Variants in TSPAN18 observed in about 807,000 individuals in gnomAD.
TSPAN18 encodes tetraspanin 18, also known as tetraspanin-18.
Under a neutral mutation model 27.3 loss-of-function variants are expected in TSPAN18, and 14 were observed. The observed-to-expected ratio is 0.51, with a 90% confidence interval of 0.34 to 0.80. The LOEUF is 0.80. TSPAN18 is among the 30% of genes least tolerant of loss of function. The pLI is 0.01. For synonymous variants in TSPAN18, 143 were observed against 136.5 expected (o/e 1.05, Z -0.33); for missense variants, 268 against 323.9 (o/e 0.83, Z 1.32).
At chr11:44,872,686 C>T (rs1393136022) in intron 3 of TSPAN18, among the ~76,000 whole-genome samples, 3 of 152,206 alleles carry the variant, frequency 2.0e-5, no homozygotes, top group Non-Finnish European at 4.4e-5. Flanking sequence ...AGCTTCACAG[C>T]AGCCTTATGA....
chr11:44,738,590 C>T (rs753476827), intron 1 of TSPAN18, among the ~76,000 whole-genome samples: 5 of 152,160 alleles, frequency 3.3e-5, no homozygotes, highest in Admixed American at 6.5e-5. Flanking sequence ...TTTCTTCTGA[C>T]GTCTCTCTCC....
At chr11:44,921,912 G>T (rs1565014263) in intron 8 of TSPAN18, among the ~76,000 whole-genome samples, 1 of 152,128 alleles carries the variant, frequency 6.6e-6, no homozygotes, top group Admixed American at 6.5e-5. Context: ...CAAAATCAGA[G>T]CTCATCAGAG....
intron 5 of TSPAN18, among the ~76,000 whole-genome samples, chr11:44,912,821 C>T (rs570075183): frequency 7.4e-5 from 11 of 148,620 alleles, no homozygotes; most frequent in South Asian, 2.2e-4. Context: ...CGTGCATGGG[C>T]GTTACATGTG....
chr11:44,849,869 C>T (rs975230607), intron 2 of TSPAN18, among the ~76,000 whole-genome samples: 1 of 152,170 alleles, frequency 6.6e-6, no homozygotes, highest in African/African-American at 2.4e-5. Context: ...CTTGAGGACA[C>T]ATCAGATGCC....
At chr11:44,758,769 AT>A (rs1213990744) in intron 1 of TSPAN18, among the ~76,000 whole-genome samples, 1 of 152,120 alleles carries the variant, frequency 6.6e-6, no homozygotes, top group African/African-American at 2.4e-5. Context: ...GGGATAGAGA[AT>A]TTTCCTGATG....
rs529585982 is a variant in TSPAN18, at chr11:44,843,698, G to C, written c.-152-16630G>C. On this transcript the variant is annotated intron_variant, in intron 2 of 9. Coordinates refer to ENST00000520358, the MANE Select transcript of TSPAN18 (RefSeq NM_130783.5). ...GGCCAGTTCAGAGACCTACCCCTAGGTGCGCATTCTCTTTCTCAGGGACGT... is the reference window on the plus strand; with the variant it reads ...GGCCAGTTCAGAGACCTACCCCTAGCTGCGCATTCTCTTTCTCAGGGACGT... 4.6e-5 allele frequency among the ~76,000 whole-genome samples: 7 copies of C among 152,254 alleles called. No homozygotes were observed. The South Asian group carries it at 1.5e-3, about 32-fold the overall frequency.
At position 44,765,059 on chromosome 11, in the gene TSPAN18, A is replaced by C. The variant is rs78455556; in HGVS notation, c.-153+547A>C. ...GCTCTGGGAAGTCCTTCTTGAGCTG[A>C]CCATGATTCTGGGACTGGTGGTGGG... On this transcript the variant is annotated intron_variant, in intron 2 of 9. Transcript: ENST00000520358. Among the ~76,000 whole-genome samples, 559 of 152,302 alleles carry C rather than the reference A, an allele frequency of 3.7e-3. 9 individuals carry two copies. In the East Asian group the frequency reaches 0.044, roughly 12 times the overall value.
intron 2 of TSPAN18, among the ~76,000 whole-genome samples, chr11:44,779,321 A>C (rs760578639): frequency 1.3e-5 from 2 of 152,166 alleles, no homozygotes; most frequent in Non-Finnish European, 2.9e-5. Flanking sequence ...TTTCTGAACT[A>C]TCTAGGCACT....
chr11:44,925,064 G>C (rs554597421), intron 8 of TSPAN18, among the ~76,000 whole-genome samples: 1 of 152,312 alleles, frequency 6.6e-6, no homozygotes, highest in African/African-American at 2.4e-5. Flanking sequence ...GTTGCCCTTA[G>C]GGCTCCATCC....
chr11:44,837,594 C>G (rs1034995379), intron 2 of TSPAN18, among the ~76,000 whole-genome samples: 1 of 152,226 alleles, frequency 6.6e-6, no homozygotes, highest in Non-Finnish European at 1.5e-5. Flanking sequence ...TCCTATCAAA[C>G]AGCATGATAT....
intron 2 of TSPAN18, among the ~76,000 whole-genome samples, chr11:44,841,171 A>G (rs113869205): frequency 0.013 from 1,987 of 152,280 alleles, 23 homozygotes; most frequent in African/African-American, 0.023. Context: ...ATGGAGCTTA[A>G]TACTCCAGCA....
chr11:44,890,742 CAAAAAAA>C (rs60185116), intron 3 of TSPAN18, among the ~76,000 whole-genome samples: 2 of 80,456 alleles, frequency 2.5e-5, no homozygotes, highest in African/African-American at 9.2e-5. Flanking sequence ...GACTCCAACT[CAAAAAAA>C]AAAAAAAAAA....
intron 8 of TSPAN18, among the ~76,000 whole-genome samples, chr11:44,923,570 C>A (rs1860228738): frequency 6.6e-6 from 1 of 152,146 alleles, no homozygotes; most frequent in Non-Finnish European, 1.5e-5. Context: ...CATGCCAGCC[C>A]CCTTTCCCTT....
At chr11:44,924,313 T>G (rs757707151) in intron 8 of TSPAN18, among the ~76,000 whole-genome samples, 1 of 152,130 alleles carries the variant, frequency 6.6e-6, no homozygotes, top group Non-Finnish European at 1.5e-5. Flanking sequence ...CATTTTATCC[T>G]CACAGCAATC....
intron 3 of TSPAN18, among the ~76,000 whole-genome samples, chr11:44,874,672 C>T (rs1858282187): frequency 6.6e-6 from 1 of 152,210 alleles, no homozygotes; most frequent in Admixed American, 6.5e-5. Context: ...GAACTAATTG[C>T]ATGCTTGGTG....
At chr11:44,807,845 C>A (rs778300048) in intron 2 of TSPAN18, among the ~76,000 whole-genome samples, 1 of 152,162 alleles carries the variant, frequency 6.6e-6, no homozygotes, top group Non-Finnish European at 1.5e-5. Context: ...GCACTGGGCT[C>A]AGAAGGAGAG....
intron 3 of TSPAN18, among the ~76,000 whole-genome samples, chr11:44,880,035 G>A (rs1000238000): frequency 3.3e-5 from 5 of 152,238 alleles, no homozygotes; most frequent in African/African-American, 7.2e-5. Flanking sequence ...ACGCTGGGGG[G>A]AGGCTGGACG....
At chr11:44,830,825 T>G (rs1430521790) in intron 2 of TSPAN18, among the ~76,000 whole-genome samples, 1 of 152,208 alleles carries the variant, frequency 6.6e-6, no homozygotes, top group Non-Finnish European at 1.5e-5. Flanking sequence ...AATGGAGACT[T>G]ACTTTTCAGC....
intron 2 of TSPAN18, among the ~76,000 whole-genome samples, chr11:44,773,348 G>A (rs990369559): frequency 3.9e-5 from 6 of 152,098 alleles, no homozygotes; most frequent in East Asian, 1.9e-4. Flanking sequence ...CCTGGGAGGC[G>A]GAGGTTGTGA....
Sources: allele counts gnomAD v4.1 joint callset (sites outside exome capture counted in the v4.1 genomes callset), GRCh38; gene constraint gnomAD v4.1.1; transcripts MANE v1.5; gene names NCBI Gene and HGNC (gene_info 2026-07-23, HGNC 2026-07-21).